Variants in EFCAB11 observed in about 807,000 individuals in gnomAD.
EFCAB11 encodes EF-hand calcium-binding domain-containing protein 11.
In EFCAB11, 14 loss-of-function variants were observed where a neutral mutation model predicts 23.0. That is an observed-to-expected ratio of 0.61 (90% CI 0.40 to 0.95). EFCAB11 has a LOEUF of 0.95. Among genes scored for constraint, EFCAB11 ranks in the 40% least tolerant of loss-of-function variants. EFCAB11 has a pLI of 0.00. For synonymous variants in EFCAB11, 65 were observed against 66.6 expected, an observed-to-expected ratio of 0.98 and a Z score of 0.11; for missense variants, 198 against 195.8, an observed-to-expected ratio of 1.01 and a Z score of -0.07.
intron 5 of EFCAB11, among the ~76,000 whole-genome samples, chr14:89,898,391 G>A (rs972733307): frequency 6.6e-6 from 1 of 152,084 alleles, no homozygotes; most frequent in African/African-American, 2.4e-5. Flanking sequence ...TTGAGACAGG[G>A]TCTTGCTCTG....
intron 4 of EFCAB11, 65 bp downstream of exon 4, chr14:89,932,461 A>C (rs1890422438): frequency 8.2e-7 from 1 of 1,226,860 alleles, no homozygotes; most frequent in Non-Finnish European, 1.2e-6. Flanking sequence ...TACTGGGTAT[A>C]TAATCCTATT....
intron 5 of EFCAB11, among the ~76,000 whole-genome samples, chr14:89,891,574 T>C (rs1327034189): frequency 2.0e-5 from 3 of 152,026 alleles, no homozygotes; most frequent in African/African-American, 7.3e-5. Context: ...AATAGCAAAA[T>C]CTGTACCAAA....
intron 5 of EFCAB11, among the ~76,000 whole-genome samples, chr14:89,835,627 T>A (rs1887051072): frequency 6.6e-6 from 1 of 150,576 alleles, no homozygotes; most frequent in Non-Finnish European, 1.5e-5. Context: ...TGTGTGTGTG[T>A]GTGTGTGTGT....
chr14:89,810,450 G>C (rs751730790), intron 5 of EFCAB11, among the ~76,000 whole-genome samples: 1 of 151,944 alleles, frequency 6.6e-6, no homozygotes, highest in African/African-American at 2.4e-5. Context: ...ATTATTTTTT[G>C]TTGGACTTTG....
In EFCAB11 at chr14:89,931,586, T is replaced by C. The variant is rs1890392086; in HGVS notation, c.365A>G (p.Gln122Arg). Reference sequence around the variant, plus strand: ...CCTTTCCGGTAATTTGGGAGCCACCTGCCTAAATGCTTTTTTGAAATCTTC... The same window carrying C: ...CCTTTCCGGTAATTTGGGAGCCACCCGCCTAAATGCTTTTTTGAAATCTTC... ...TLEDFKKAFR[Q>R]VAPKLPERTV... The change falls in exon 5 of 6, where the codon CAG becomes CGG. Residue 122 changes from glutamine to arginine, a missense_variant. Gln to Arg is a conservative substitution (Grantham distance 43). Coordinates refer to ENST00000316738, the MANE Select transcript of EFCAB11 (RefSeq NM_145231.4). 1 of 1,614,218 alleles carries C rather than the reference T, an allele frequency of 6.2e-7. No individual in the cohort carries two copies. Among genetic ancestry groups the C allele is most frequent in the Non-Finnish European group, 8.5e-7 (1 of 1,180,022 alleles).
intron 1 of EFCAB11, 190 bp downstream of exon 1, chr14:89,954,395 AG>A: frequency 6.5e-7 from 1 of 1,536,326 alleles, no homozygotes; most frequent in Non-Finnish European, 8.7e-7. Flanking sequence ...TGGAACTTGG[AG>A]GTAGCCGTAG....
intron 5 of EFCAB11, among the ~76,000 whole-genome samples, chr14:89,909,032 G>C (rs1444179106): frequency 6.6e-6 from 1 of 152,222 alleles, no homozygotes; most frequent in Admixed American, 6.5e-5. Context: ...ATTTAGTGTA[G>C]AGTAAGAGCC....
Position 89,931,716 on chromosome 14 carries a change from A to T in EFCAB11, c.320-85T>A, listed in dbSNP as rs944399767. On this transcript the variant is annotated intron_variant, in intron 4 of 5. Coordinates refer to ENST00000316738, the MANE Select transcript of EFCAB11 (RefSeq NM_145231.4). Reference sequence around the variant, plus strand: ...CAGCCATAACATTTGTGCAAAACTTATTTTAATATATTACTAGGAGAAAAG... The same window carrying T: ...CAGCCATAACATTTGTGCAAAACTTTTTTTAATATATTACTAGGAGAAAAG... The T allele has an allele frequency of 3.0e-5, 31 of 1,037,982 alleles. 1 individual carries two copies. The South Asian group carries it at 4.5e-4, about 15-fold the overall frequency. The allele number at this position is 1,037,982 out of a possible 1,614,324, so 64.3% of individuals were successfully genotyped here. A position where few individuals can be genotyped will look rare whatever the true frequency, so the allele number is the denominator to read the frequency against.
chr14:89,846,721 G>A (rs1184075259), intron 5 of EFCAB11, among the ~76,000 whole-genome samples: 1 of 152,136 alleles, frequency 6.6e-6, no homozygotes, highest in Non-Finnish European at 1.5e-5. Flanking sequence ...CATTCTCTAA[G>A]TCTATGAATG....
At chr14:89,855,831 T>C (rs983549010) in intron 5 of EFCAB11, among the ~76,000 whole-genome samples, 6 of 152,176 alleles carry the variant, frequency 3.9e-5, no homozygotes, top group South Asian at 2.1e-4. Flanking sequence ...CTCTGTATAT[T>C]TGACTGGGTT....
chr14:89,931,003 T>C (rs12050388), intron 5 of EFCAB11: 28,680 of 152,256 alleles, frequency 0.19, 3,146 homozygotes, highest in South Asian at 0.32. Flanking sequence ...TGTCAGGATT[T>C]GTTCATAAGA....
intron 5 of EFCAB11, among the ~76,000 whole-genome samples, chr14:89,896,108 G>A (rs1362992637): frequency 5.3e-5 from 8 of 152,206 alleles, no homozygotes; most frequent in African/African-American, 1.4e-4. Flanking sequence ...TCTGGCGGCC[G>A]GGCGCGGTGG....
chr14:89,835,217 G>A lies in EFCAB11; in HGVS notation c.411-37893C>T, dbSNP rs974614284. Among the ~76,000 whole-genome samples, 8 of 152,288 alleles carry A rather than the reference G, an allele frequency of 5.3e-5. No homozygotes were observed. The East Asian group carries it at 7.7e-4, about 15-fold the overall frequency. ...CCTGAGAGAACACAGCAGGATGCCC[G>A]GAGGCAGAGGCCCAGCATGTTTACA... On this transcript the variant is annotated intron_variant, in intron 5 of 5. Transcript: ENST00000316738.
chr14:89,944,928 G>T (rs1483849936), intron 3 of EFCAB11, among the ~76,000 whole-genome samples: 3 of 121,022 alleles, frequency 2.5e-5, no homozygotes, highest in African/African-American at 6.3e-5. Context: ...GATTTTATTA[G>T]ATCTAATAAT....
chr14:89,800,029 T>C (rs774963941), intron 5 of EFCAB11, among the ~76,000 whole-genome samples: 29 of 151,822 alleles, frequency 1.9e-4, no homozygotes, highest in Non-Finnish European at 7.4e-5. Flanking sequence ...CTACTAAAAA[T>C]ACAATAATTA....
rs374726348 is a variant in EFCAB11, at chr14:89,892,139, G to A, written c.410+39402C>T. On this transcript the variant is annotated intron_variant, in intron 5 of 5. Coordinates refer to ENST00000316738, the MANE Select transcript of EFCAB11 (RefSeq NM_145231.4). Reference sequence around the variant, plus strand: ...GCACCAGGAGGTCATGGCCACTCAGGGCCCGGACAAGGTCATCTTCCTGCT... The same window carrying A: ...GCACCAGGAGGTCATGGCCACTCAGAGCCCGGACAAGGTCATCTTCCTGCT... 1,145 of 1,557,430 alleles carry A rather than the reference G, an allele frequency of 7.4e-4. 18 individuals are homozygous for A. The South Asian group carries it at 0.012, about 16-fold the overall frequency.
At chr14:89,841,036 G>A (rs1208425985) in intron 5 of EFCAB11, among the ~76,000 whole-genome samples, 4 of 152,148 alleles carry the variant, frequency 2.6e-5, no homozygotes, top group African/African-American at 9.7e-5. Flanking sequence ...AGTCTCCCGT[G>A]TCTTCTTCCT....
Position 89,841,448 on chromosome 14 carries a change from G to A in EFCAB11, c.411-44124C>T, listed in dbSNP as rs114001714. On this transcript the variant is annotated intron_variant, in intron 5 of 5. Coordinates refer to ENST00000316738, the MANE Select transcript of EFCAB11 (RefSeq NM_145231.4). ...CCCCTCAACTACTCTCTTCTTCCCC[G>A]CCGCACCCCCAGTCTGCTATCCTCT... is the stretch of plus-strand genomic sequence containing the variant. Among the ~76,000 whole-genome samples the A allele has an allele frequency of 2.4e-3, 296 of 121,536 alleles. 1 individual carries two copies. Among genetic ancestry groups the A allele is most frequent in the African/African-American group, 8.7e-3 (266 of 30,730 alleles). 79.7% of individuals were successfully genotyped at this position (121,536 alleles called of 152,430 possible).
intron 3 of EFCAB11, among the ~76,000 whole-genome samples, chr14:89,939,061 C>T (rs1890696450): frequency 2.0e-5 from 3 of 149,024 alleles, no homozygotes. Flanking sequence ...GGAATTGTTA[C>T]TTTTTTATTA....
Sources: allele counts gnomAD v4.1 joint callset (sites outside exome capture counted in the v4.1 genomes callset), GRCh38; gene constraint gnomAD v4.1.1; transcripts MANE v1.5; gene names NCBI Gene and HGNC (gene_info 2026-07-23, HGNC 2026-07-21).